The following LDLRAD4 variants were observed in gnomAD, a reference collection of about 807,000 sequenced individuals.
The protein encoded by LDLRAD4 is low density lipoprotein receptor class A domain containing 4, also known as low-density lipoprotein receptor class A domain-containing protein 4.
LDLRAD4 carries 5 observed loss-of-function variants against 17.0 expected under a neutral mutation model. The ratio of observed to expected loss-of-function variants is 0.29; its 90% CI spans 0.15 to 0.62. The LOEUF (loss-of-function observed/expected upper bound fraction) is 0.62. Among genes scored for constraint, LDLRAD4 ranks in the 20% least tolerant of loss-of-function variants. The pLI is 0.84. For synonymous variants in LDLRAD4, 168 were observed against 171.8 expected (o/e 0.98, Z 0.17); for missense variants, 340 against 424.7 (o/e 0.80, Z 1.75).
At chr18:13,576,861 G>C (rs1262410890) in intron 3 of LDLRAD4, among the ~76,000 whole-genome samples, 1 of 152,240 alleles carries the variant, frequency 6.6e-6, no homozygotes, top group Non-Finnish European at 1.5e-5. Context: ...GGGTGCCCAT[G>C]AGCTCCGCTC....
chr18:13,217,904 G>C (rs1428828028), upstream of LDLRAD4: 9 of 151,338 alleles, frequency 5.9e-5, no homozygotes, highest in Non-Finnish European at 1.0e-4. The surrounding 1 kb of genome is among the most constrained non-coding windows in gnomAD (Gnocchi z 4.9). Context: ...AAGCAGGGCG[G>C]GGAGCGCGGG....
chr18:13,298,966 T>G (rs897811770), intron 1 of LDLRAD4, among the ~76,000 whole-genome samples: 4 of 152,242 alleles, frequency 2.6e-5, no homozygotes, highest in African/African-American at 9.6e-5. Flanking sequence ...TCACTGCCTC[T>G]GACATTCTAA....
chr18:13,236,341 C>CTTTTTTTTTTT (rs2042335720), intron 1 of LDLRAD4: 1 of 102,730 alleles, frequency 9.7e-6, no homozygotes, highest in African/African-American at 4.5e-5. Flanking sequence ...CAGAGTTTTG[C>CTTTTTTTTTTT]TCTTGTTGCC....
intron 3 of LDLRAD4, among the ~76,000 whole-genome samples, chr18:13,598,918 T>C (rs969284652): frequency 1.3e-5 from 2 of 152,166 alleles, no homozygotes; most frequent in Non-Finnish European, 2.9e-5. Context: ...TTAGCTTGCC[T>C]CTCCTTACAT....
intron 3 of LDLRAD4, among the ~76,000 whole-genome samples, chr18:13,504,078 A>G (rs541518055): frequency 1.8e-4 from 27 of 152,308 alleles, no homozygotes; most frequent in African/African-American, 6.3e-4. Flanking sequence ...AGGCTCACGC[A>G]GGTCACATAT....
chr18:13,294,953 A>T (rs371808891), intron 1 of LDLRAD4, among the ~76,000 whole-genome samples: 22 of 152,164 alleles, frequency 1.4e-4, no homozygotes, highest in African/African-American at 5.3e-4. Context: ...TGTACTGGGG[A>T]CCGGCTGGTC....
intron 1 of LDLRAD4, among the ~76,000 whole-genome samples, chr18:13,304,589 A>AG: frequency 6.6e-6 from 1 of 152,168 alleles, no homozygotes; most frequent in Non-Finnish European, 1.5e-5. Context: ...CCCCTGAGGA[A>AG]TGAGGCCAGG....
chr18:13,637,225 C>T (rs1270013539), intron 4 of LDLRAD4, among the ~76,000 whole-genome samples: 1 of 152,056 alleles, frequency 6.6e-6, no homozygotes. Context: ...GGTTTGTAGT[C>T]ATGGTGACTG....
chr18:13,398,170 G>A lies in LDLRAD4; in HGVS notation c.40+10408G>A, dbSNP rs2086857117. Reference sequence around the variant, plus strand: ...CCGAGTTGGGGCAGGAGGGGACGGAGGGAGAGAGGCAGGAGGCTGAAGCGC... The same window carrying A: ...CCGAGTTGGGGCAGGAGGGGACGGAAGGAGAGAGGCAGGAGGCTGAAGCGC... On this transcript the variant is annotated intron_variant, in intron 2 of 5. Transcript: ENST00000359446. This position sits in a 1 kb window ranked among gnomAD's most constrained non-coding sequence, Gnocchi z 4.8. Among the ~76,000 whole-genome samples, 1 of 152,244 alleles carries A rather than the reference G, an allele frequency of 6.6e-6. No individual in the cohort carries two copies. Among genetic ancestry groups the A allele is most frequent in the Admixed American group, 6.5e-5 (1 of 15,290 alleles).
At chr18:13,461,826 A>T (rs1360017759) in intron 3 of LDLRAD4, among the ~76,000 whole-genome samples, 1 of 152,220 alleles carries the variant, frequency 6.6e-6, no homozygotes, top group African/African-American at 2.4e-5. Context: ...TTATACTCCT[A>T]TGCAAGACTT....
chr18:13,235,308 G>A (rs1020351467), intron 1 of LDLRAD4, among the ~76,000 whole-genome samples: 2 of 152,090 alleles, frequency 1.3e-5, no homozygotes, highest in Non-Finnish European at 2.9e-5. Context: ...ATATGTAGAT[G>A]CTTTCTCTTT....
At chr18:13,581,940 C>T (rs1165319282) in intron 3 of LDLRAD4, among the ~76,000 whole-genome samples, 1 of 152,074 alleles carries the variant, frequency 6.6e-6, no homozygotes, top group Non-Finnish European at 1.5e-5. Flanking sequence ...AGGGACTGGA[C>T]TGCAGCATTT....
chr18:13,355,511 G>A (rs899922550), intron 1 of LDLRAD4, among the ~76,000 whole-genome samples: 2 of 152,224 alleles, frequency 1.3e-5, no homozygotes, highest in African/African-American at 4.8e-5. Flanking sequence ...AGCATTTAGT[G>A]TTTCCAGAAG....
chr18:13,610,245 T>C (rs1194062826), intron 3 of LDLRAD4, among the ~76,000 whole-genome samples: 1 of 144,872 alleles, frequency 6.9e-6, no homozygotes. Context: ...TCCAGTTCCA[T>C]GAAGTTCACC....
At chr18:13,504,530 C>T (rs534864849) in intron 3 of LDLRAD4, among the ~76,000 whole-genome samples, 7 of 152,308 alleles carry the variant, frequency 4.6e-5, no homozygotes, top group East Asian at 3.9e-4. Context: ...GGGGTTCAAG[C>T]GATTCTCCTG....
exon 6 of LDLRAD4, chr18:13,649,295 A>T (rs1321920688): frequency 6.6e-6 from 1 of 152,218 alleles, no homozygotes; most frequent in East Asian, 1.9e-4. Flanking sequence ...AGAATGAGAA[A>T]GGCTCAAAAG....
At chr18:13,352,609 T>C (rs2083109456) in intron 1 of LDLRAD4, among the ~76,000 whole-genome samples, 1 of 152,210 alleles carries the variant, frequency 6.6e-6, no homozygotes, top group Non-Finnish European at 1.5e-5. Flanking sequence ...TTCTCGGATT[T>C]GTCAATTTAT....
chr18:13,513,279 C>T (rs1482387635), intron 3 of LDLRAD4, among the ~76,000 whole-genome samples: 1 of 152,206 alleles, frequency 6.6e-6, no homozygotes, highest in Non-Finnish European at 1.5e-5. Context: ...GGCTTACAGA[C>T]AGCCTAGTAA....
At chr18:13,534,962 G>A (rs2094182220) in intron 3 of LDLRAD4, among the ~76,000 whole-genome samples, 1 of 152,088 alleles carries the variant, frequency 6.6e-6, no homozygotes. Context: ...CTTTCATTTA[G>A]GGTTATGTTT....
Sources: allele counts gnomAD v4.1 joint callset (sites outside exome capture counted in the v4.1 genomes callset), GRCh38; gene constraint gnomAD v4.1.1; non-coding constraint Gnocchi (gnomAD v3.1); transcripts MANE v1.5; gene names NCBI Gene and HGNC (gene_info 2026-07-23, HGNC 2026-07-21).